The following CDIN1 variants were observed in gnomAD, a reference collection of about 807,000 sequenced individuals.
The protein encoded by CDIN1 is CDAN1-interacting nuclease 1.
Under a neutral mutation model 45.3 loss-of-function variants are expected in CDIN1, and 33 were observed. The observed-to-expected ratio is 0.73, with a 90% confidence interval of 0.55 to 0.97. The LOEUF is 0.97. Ranked by LOEUF, CDIN1 falls within the 50% of genes least tolerant of loss-of-function variation. CDIN1 has a pLI of 0.00. For synonymous variants in CDIN1, 118 were observed against 124.4 expected (o/e 0.95, Z 0.34); for missense variants, 303 against 339.4 (o/e 0.89, Z 0.84).
intron 10 of CDIN1, among the ~76,000 whole-genome samples, chr15:36,802,292 T>C (rs770759134): frequency 3.3e-5 from 5 of 152,164 alleles, no homozygotes; most frequent in Non-Finnish European, 7.4e-5. Flanking sequence ...CAGTAAATAT[T>C]AGTTACCTCT....
intron 3 of CDIN1, chr15:36,647,796 G>A (rs1690779743): frequency 1.3e-5 from 2 of 150,972 alleles, no homozygotes; most frequent in Admixed American, 6.6e-5. Context: ...CTTTTATAAA[G>A]TAATACTCAG....
intron 1 of CDIN1, among the ~76,000 whole-genome samples, chr15:36,626,373 G>A (rs1166121815): frequency 6.8e-6 from 1 of 146,148 alleles, no homozygotes; most frequent in Non-Finnish European, 1.5e-5. Context: ...AAGGAGGATG[G>A]CAAATCCATT....
At chr15:36,698,050 G>A (rs933266171) in intron 8 of CDIN1, among the ~76,000 whole-genome samples, 1 of 151,962 alleles carries the variant, frequency 6.6e-6, no homozygotes, top group Non-Finnish European at 1.5e-5. Flanking sequence ...ATTTGTAAAG[G>A]TTTCATACAA....
intron 8 of CDIN1, chr15:36,708,866 G>A (rs2042959329): frequency 6.1e-6 from 1 of 162,900 alleles, no homozygotes; most frequent in African/African-American, 2.4e-5. Flanking sequence ...TTCAATACTG[G>A]CTGATAACAT....
At chr15:36,591,445 A>G (rs1490197135) in intron 1 of CDIN1, among the ~76,000 whole-genome samples, 1 of 152,238 alleles carries the variant, frequency 6.6e-6, no homozygotes, top group East Asian at 1.9e-4. Context: ...TAAAAAGCCC[A>G]TAGACTCTTC....
intron 5 of CDIN1, among the ~76,000 whole-genome samples, chr15:36,682,735 A>G (rs1481370507): frequency 1.4e-5 from 2 of 144,136 alleles, no homozygotes; most frequent in Non-Finnish European, 3.0e-5. Context: ...ACACCACTGC[A>G]CTCCATCCTA....
At chr15:36,620,147 C>T (rs1319003361) in intron 1 of CDIN1, among the ~76,000 whole-genome samples, 2 of 151,946 alleles carry the variant, frequency 1.3e-5, no homozygotes, top group Non-Finnish European at 2.9e-5. Context: ...GTCAGGAGAT[C>T]GAGACCATCC....
chr15:36,698,906 A>T (rs1407875694), intron 8 of CDIN1, among the ~76,000 whole-genome samples: 1 of 152,198 alleles, frequency 6.6e-6, no homozygotes, highest in Non-Finnish European at 1.5e-5. Context: ...CTAGTCCTCA[A>T]CTTACTTGAA....
chr15:36,591,432 C>T (rs1337713012), intron 1 of CDIN1, among the ~76,000 whole-genome samples: 3 of 152,132 alleles, frequency 2.0e-5, no homozygotes, highest in Non-Finnish European at 4.4e-5. Flanking sequence ...CCTTGTATAA[C>T]GTTAAAAAGC....
intron 10 of CDIN1, among the ~76,000 whole-genome samples, chr15:36,752,462 A>G (rs917002763): frequency 3.7e-4 from 56 of 152,174 alleles, no homozygotes; most frequent in African/African-American, 1.2e-3. Context: ...GTGAGTGGAA[A>G]ATGAATGTAA....
intron 10 of CDIN1, among the ~76,000 whole-genome samples, chr15:36,777,008 G>T (rs2054235332): frequency 6.6e-6 from 1 of 152,094 alleles, no homozygotes; most frequent in Non-Finnish European, 1.5e-5. Flanking sequence ...TATTTTTGAT[G>T]CCACACTTCT....
chr15:36,799,017 T>A (rs8031162), intron 10 of CDIN1: 3 of 152,128 alleles, frequency 2.0e-5, no homozygotes, highest in African/African-American at 7.2e-5. Context: ...AATTATAAAT[T>A]CTCTGGCATC....
intron 10 of CDIN1, among the ~76,000 whole-genome samples, chr15:36,731,881 T>G (rs1383694974): frequency 6.6e-6 from 1 of 152,216 alleles, no homozygotes; most frequent in African/African-American, 2.4e-5. Context: ...CTAAGGAAGA[T>G]ATTTATAAAC....
intron 3 of CDIN1, among the ~76,000 whole-genome samples, chr15:36,645,850 TA>T: frequency 6.6e-6 from 1 of 152,288 alleles, no homozygotes; most frequent in Non-Finnish European, 1.5e-5. Flanking sequence ...TTTGTATTTT[TA>T]AAAGACAACC....
In CDIN1 at chr15:36,710,057, C is replaced by T. The variant is rs542947331; in HGVS notation, c.716+96C>T. 8.5e-5 allele frequency: 70 copies of T among 820,624 alleles called. No individual in the cohort carries two copies. In the African/African-American group the frequency reaches 1.0e-3, roughly 12 times the overall value. The allele number at this position is 820,624 out of a possible 1,614,324, so 50.8% of individuals were successfully genotyped here. ...GTTTAGCTGGTAAAAATGCTAGTAG[C>T]CGTTGTTTCTAGTAAATACAGAGTT... On this transcript the variant is annotated intron_variant, in intron 10 of 10. Coordinates refer to ENST00000566621, the MANE Select transcript of CDIN1 (RefSeq NM_001321759.2).
intron 1 of CDIN1, chr15:36,618,074 A>C: frequency 1.3e-6 from 1 of 748,202 alleles, no homozygotes. Flanking sequence ...TTGGTCTCCA[A>C]ATCCTACACC....
At chr15:36,592,441 G>A (rs528042103) in intron 1 of CDIN1, among the ~76,000 whole-genome samples, 62 of 152,218 alleles carry the variant, frequency 4.1e-4, no homozygotes, top group Non-Finnish European at 7.1e-4. Flanking sequence ...GCATTCTATC[G>A]CCAGTCTGAG....
intron 7 of CDIN1, among the ~76,000 whole-genome samples, chr15:36,692,963 T>C (rs2140723501): frequency 6.6e-6 from 1 of 152,262 alleles, no homozygotes; most frequent in Admixed American, 6.5e-5. Flanking sequence ...ATGAGAATAA[T>C]TTCTATCCGA....
chr15:36,675,038 A>G (rs1231027040), intron 5 of CDIN1, among the ~76,000 whole-genome samples: 1 of 152,048 alleles, frequency 6.6e-6, no homozygotes, highest in Non-Finnish European at 1.5e-5. Context: ...CTCATAACGA[A>G]GAAAGAAGTT....
Sources: gnomAD v4.1 joint callset for allele counts (sites outside exome capture counted in the v4.1 genomes callset) on GRCh38, gnomAD v4.1.1 for gene constraint, MANE v1.5 for transcripts, NCBI Gene and HGNC (gene_info 2026-07-23, HGNC 2026-07-21) for gene names.